The following AATK variants were observed in gnomAD, a reference collection of about 807,000 sequenced individuals.
AATK encodes serine/threonine-protein kinase LMTK1.
In AATK, 91 loss-of-function variants were observed where a neutral mutation model predicts 114.3. That is an observed-to-expected ratio of 0.80 (90% CI 0.67 to 0.95). The LOEUF (loss-of-function observed/expected upper bound fraction) is 0.95, where lower values mean the gene tolerates loss of function less well. Ranked by LOEUF, AATK falls within the 40% of genes least tolerant of loss-of-function variation. The pLI is 0.00. For missense variants in AATK, 2,176 were observed against 1,965.2 expected (o/e 1.11, Z -2.03); for synonymous variants, 1,075 against 916.5 (o/e 1.17, Z -3.12).
intron 1 of AATK, among the ~76,000 whole-genome samples, chr17:81,143,211 G>A (rs8070543): frequency 0.25 from 36,585 of 144,848 alleles, 4,678 homozygotes; most frequent in South Asian, 0.33. Flanking sequence ...CCCCACCCCC[G>A]CAACGTGCAC....
At chr17:81,131,005 C>A in intron 3 of AATK, 56 bp downstream of exon 3, 2 of 1,524,376 alleles carry the variant, frequency 1.3e-6, no homozygotes. Context: ...TCACACCCAA[C>A]GCCCAGCACC....
chr17:81,130,973 T>C, intron 3 of AATK, 88 bp downstream of exon 3: 1 of 1,462,506 alleles, frequency 6.8e-7, no homozygotes, highest in Non-Finnish European at 9.1e-7. Flanking sequence ...ACTCCAGAGC[T>C]GAGTCTTCCG....
At position 81,120,659 on chromosome 17, in the gene AATK, G is replaced by A. The variant is rs866956057; in HGVS notation, c.3277C>T (p.Pro1093Ser). The change falls in exon 11 of 14, where the codon CCC (proline) becomes TCC (serine). Residue 1093 changes from proline to serine, a missense_variant. Transcript: ENST00000326724. The stretch of plus-strand genomic sequence containing the variant: ...AAAAACTGGGAGCAGCTGGGGCTGG[G>A]CCCAGGCCGCACCTTGGCTGGGCCT... ...PQGPAKVRPG[P>S]SPSCSQFFLL... The A allele has an allele frequency of 6.6e-7, 1 of 1,521,172 alleles. No homozygotes were observed. Among genetic ancestry groups the A allele is most frequent in the South Asian group, 1.3e-5 (1 of 76,492 alleles). 94.2% of individuals were successfully genotyped at this position (1,521,172 alleles called of 1,614,324 possible).
Position 81,119,559 on chromosome 17 carries a change from T to G in AATK, c.3905A>C (p.Asp1302Ala). The G allele has an allele frequency of 6.3e-7, 1 of 1,578,836 alleles. No individual in the cohort carries two copies. Among genetic ancestry groups the G allele is most frequent in the South Asian group, 1.1e-5 (1 of 87,346 alleles). Residue 1302 changes from aspartate to alanine, a missense_variant, in exon 13 of 14, where the codon GAC (aspartate) becomes GCC (alanine). Physicochemically the swap from Asp to Ala is moderately radical, Grantham distance 126 (BLOSUM62 -2). This residue lies in a region of AATK where 1,701 missense variants were observed against 1,394.7 expected (regional missense o/e 1.22). Transcript: ENST00000326724. ...AEEGGGFAWD[D>A]DFPLMTAKAA... ...CTTGGCCGTCATCAGCGGGAAGTCG[T>G]CGTCCCACGCGAACCCACCACCTGC...
intron 1 of AATK, among the ~76,000 whole-genome samples, chr17:81,137,038 A>C (rs1338662005): frequency 6.6e-6 from 1 of 152,060 alleles, no homozygotes; most frequent in South Asian, 2.1e-4. Context: ...CAGGTGGATC[A>C]CTTGAGGTCA....
rs747536767 is a variant in AATK, at chr17:81,120,670, A to G, written c.3266T>C (p.Val1089Ala). The G allele has an allele frequency of 4.0e-6, 6 of 1,517,094 alleles. No individual in the cohort carries two copies. The highest frequency in any genetic ancestry group is 5.3e-6 in the Non-Finnish European group (6 of 1,134,476). 94.0% of individuals were successfully genotyped at this position (1,517,094 alleles called of 1,614,324 possible). ...GCAGCTGGGGCTGGGCCCAGGCCGC[A>G]CCTTGGCTGGGCCTTGGGGCTCCGG... ...EPPEPQGPAK[V>A]RPGPSPSCSQ... Residue 1089 changes from valine to alanine, a missense_variant, in exon 11 of 14, where the codon GTG becomes GCG. By Grantham distance (64) the Val-to-Ala change is moderately conservative. This residue lies in a region of AATK where 1,701 missense variants were observed against 1,394.7 expected (regional missense o/e 1.22). Transcript: ENST00000326724.
At chr17:81,140,409 G>T (rs551679623) in intron 1 of AATK, among the ~76,000 whole-genome samples, 2 of 152,316 alleles carry the variant, frequency 1.3e-5, no homozygotes, top group Admixed American at 6.5e-5. Context: ...TTTGGTAAGG[G>T]GGCACCTGGT....
At position 81,131,102 on chromosome 17, in the gene AATK, G is replaced by A. The variant is rs576630141; in HGVS notation, c.293C>T (p.Thr98Met). 61 of 1,558,986 alleles carry A rather than the reference G, an allele frequency of 3.9e-5. No homozygotes were observed. The African/African-American group carries it at 4.2e-4, about 11-fold the overall frequency. The change falls in exon 3 of 14, where the codon ACG becomes ATG. Residue 98 changes from threonine to methionine, a missense_variant. Thr to Met is a moderately conservative substitution (Grantham distance 81, BLOSUM62 -1). Transcript: ENST00000326724. ...NGPDVYVLPL[T>M]EVSLPMAKQP... ...CTTGGCCATGGGCAAGGAGACCTCC[G>A]TGAGTGGCAGGACGTACACGTCGGG...
intron 1 of AATK, among the ~76,000 whole-genome samples, chr17:81,149,808 A>G (rs924518588): frequency 5.3e-5 from 8 of 152,244 alleles, no homozygotes; most frequent in African/African-American, 1.9e-4. Context: ...CCCCCGCTGC[A>G]ACGGCAGTCA....
chr17:81,128,236 G>A (rs1422608556), intron 4 of AATK, among the ~76,000 whole-genome samples: 3 of 152,172 alleles, frequency 2.0e-5, no homozygotes, highest in Admixed American at 6.5e-5. Flanking sequence ...TGAGCAAGAG[G>A]CTGCTCCTCT....
intron 1 of AATK, among the ~76,000 whole-genome samples, chr17:81,135,097 G>A (rs1172902416): frequency 6.6e-6 from 1 of 152,202 alleles, no homozygotes. Context: ...CCACTGCCAG[G>A]CCCCTCTGGT....
chr17:81,132,990 C>T (rs528571945), intron 2 of AATK: 199 of 306,484 alleles, frequency 6.5e-4, no homozygotes, highest in Non-Finnish European at 1.1e-3. Context: ...CCAGGCCCCA[C>T]CTCCACTCCT....
At chr17:81,157,545 C>G (rs142492797) in intron 1 of AATK, among the ~76,000 whole-genome samples, 3 of 152,128 alleles carry the variant, frequency 2.0e-5, no homozygotes, top group Non-Finnish European at 4.4e-5. Flanking sequence ...TCCTGCCCCT[C>G]GACAGCCAAC....
rs115498314 is a variant in AATK, at chr17:81,158,934, G to T, written c.55+7004C>A. Among the ~76,000 whole-genome samples, 700 of 152,274 alleles carry T rather than the reference G, an allele frequency of 4.6e-3. 9 individuals carry two copies. Among genetic ancestry groups the T allele is most frequent in the African/African-American group, 0.016 (675 of 41,532 alleles). On this transcript the variant is annotated intron_variant, in intron 1 of 13. Transcript: ENST00000326724. ...ACACACCAGCACCCCTGATCCCTGG[G>T]GCCGCTATACACACAGCGAAAACCT...
At chr17:81,128,586 C>G in intron 3 of AATK, 37 bp from the exon 4 acceptor site, 12 of 1,547,678 alleles carry the variant, frequency 7.8e-6, no homozygotes, top group Non-Finnish European at 1.0e-5. Context: ...CCCAGTGTGG[C>G]CTCCGCACCC....
At position 81,123,332 on chromosome 17, in the gene AATK, A is replaced by G; in HGVS notation, c.974T>C (p.Val325Ala). ...TKSGNVWSLGVTIWELFELGT... is the reference protein window; with the variant it reads ...TKSGNVWSLGATIWELFELGT... The stretch of plus-strand genomic sequence containing the variant: ...CAGCTCAAAGAGCTCCCAGATGGTC[A>G]CGCCCAGGGACCTGTGGGGCGACAG... The change falls in exon 10 of 14, where the codon GTG becomes GCG. Residue 325 changes from valine to alanine, a missense_variant. By Grantham distance (64) the Val-to-Ala change is moderately conservative (BLOSUM62 0). Coordinates refer to ENST00000326724, the MANE Select transcript of AATK (RefSeq NM_001080395.3). 1 of 1,374,878 alleles carries G rather than the reference A, an allele frequency of 7.3e-7. No homozygotes were observed. The highest frequency in any genetic ancestry group is 9.4e-7 in the Non-Finnish European group (1 of 1,063,012). The allele number at this position is 1,374,878 out of a possible 1,614,324, so 85.2% of individuals were successfully genotyped here. A position where few individuals can be genotyped will look rare whatever the true frequency, so the allele number is the denominator to read the frequency against.
At chr17:81,164,942 G>A (rs367710032) in intron 1 of AATK, among the ~76,000 whole-genome samples, 1 of 152,212 alleles carries the variant, frequency 6.6e-6, no homozygotes, top group Non-Finnish European at 1.5e-5. Flanking sequence ...GATCTGCCCC[G>A]GGGACCCCCG....
chr17:81,165,923 C>G lies in AATK; in HGVS notation c.55+15G>C, dbSNP rs1460092460. The stretch of plus-strand genomic sequence containing the variant: ...GGGAGGCAGCGGCGCGCAGGCCGGG[C>G]CGCCAGGGACTCACCGGGGTCGAAG... On this transcript the variant is annotated intron_variant, in intron 1 of 13. Coordinates refer to ENST00000326724, the MANE Select transcript of AATK (RefSeq NM_001080395.3). 2 of 1,572,898 alleles carry G rather than the reference C, an allele frequency of 1.3e-6. No homozygotes were observed. The highest frequency in any genetic ancestry group is 1.4e-5 in the African/African-American group (1 of 73,680).
At position 81,123,584 on chromosome 17, in the gene AATK, G is replaced by A. The variant is rs370938378; in HGVS notation, c.963-241C>T. ...CCTGCACATAAAGGCCGGGCTGGCCGAATCCATCTGCTTGTCCACTCATTC... is the reference window on the plus strand; with the variant it reads ...CCTGCACATAAAGGCCGGGCTGGCCAAATCCATCTGCTTGTCCACTCATTC... On this transcript the variant is annotated intron_variant, in intron 9 of 13. Transcript: ENST00000326724. 3.7e-4 allele frequency among the ~76,000 whole-genome samples: 56 copies of A among 152,316 alleles called. 1 individual carries two copies. The East Asian group carries it at 4.3e-3, about 12-fold the overall frequency.
Sources: gnomAD v4.1 joint callset for allele counts (sites outside exome capture counted in the v4.1 genomes callset) on GRCh38, gnomAD v4.1.1 for gene constraint, gnomAD v4.1.1 regional missense constraint, MANE v1.5 for transcripts, NCBI Gene and HGNC (gene_info 2026-07-23, HGNC 2026-07-21) for gene names.